Variants in GRM8 observed in about 807,000 individuals in gnomAD.
The protein encoded by GRM8 is metabotropic glutamate receptor 8.
GRM8 carries 47 observed loss-of-function variants against 87.2 expected under a neutral mutation model. The observed-to-expected ratio is 0.54, with a 90% CI of 0.43 to 0.69. The LOEUF is 0.69. GRM8 is among the 30% of genes least tolerant of loss of function. The probability of loss-of-function intolerance (pLI) is 0.00; values close to 1 mark genes in which losing one functional copy is unlikely to be tolerated. For missense variants in GRM8, 1,019 were observed against 1,139.2 expected (o/e 0.89, Z 1.52); for synonymous variants, 396 against 404.5 (o/e 0.98, Z 0.25).
intron 6 of GRM8, among the ~76,000 whole-genome samples, chr7:126,840,041 T>C (rs1796135468): frequency 6.6e-6 from 1 of 152,182 alleles, no homozygotes; most frequent in Non-Finnish European, 1.5e-5. Context: ...ATTTTAGTTG[T>C]TTTTTCACCA....
At chr7:126,950,095 T>C (rs1807971672) in intron 3 of GRM8, among the ~76,000 whole-genome samples, 1 of 152,206 alleles carries the variant, frequency 6.6e-6, no homozygotes, top group Non-Finnish European at 1.5e-5. Context: ...GGTAAGTACT[T>C]GGAAAACACT....
chr7:126,687,376 T>C (rs1435647109), intron 7 of GRM8, among the ~76,000 whole-genome samples: 6 of 152,234 alleles, frequency 3.9e-5, no homozygotes, highest in Non-Finnish European at 8.8e-5. Context: ...GCTAGGCCAC[T>C]TTTGAGTTTG....
At chr7:127,081,664 T>C (rs1231868623) in intron 3 of GRM8, among the ~76,000 whole-genome samples, 1 of 152,046 alleles carries the variant, frequency 6.6e-6, no homozygotes, top group Non-Finnish European at 1.5e-5. Context: ...CAAATGAATA[T>C]GAATGAGAGA....
intron 6 of GRM8, among the ~76,000 whole-genome samples, chr7:126,846,177 G>A (rs947275289): frequency 6.6e-6 from 1 of 152,050 alleles, no homozygotes; most frequent in Non-Finnish European, 1.5e-5. Flanking sequence ...TTCAGAAGTG[G>A]AATATGACAT....
At chr7:126,483,980 A>AG (rs1807056744) in intron 9 of GRM8, among the ~76,000 whole-genome samples, 1 of 152,078 alleles carries the variant, frequency 6.6e-6, no homozygotes, top group Admixed American at 6.6e-5. Flanking sequence ...CTTGAGCATC[A>AG]GTCACTACAA....
chr7:126,798,108 GC>G lies in GRM8; in HGVS notation c.1157-28044del, dbSNP rs370548820. Among the ~76,000 whole-genome samples, 101 of 152,140 alleles carry G rather than the reference GC, an allele frequency of 6.6e-4. 1 individual carries two copies. Among genetic ancestry groups the G allele is most frequent in the African/African-American group, 2.2e-3 (90 of 41,490 alleles). On this transcript the variant is annotated intron_variant, in intron 6 of 10. Coordinates refer to ENST00000339582, the MANE Select transcript of GRM8 (RefSeq NM_000845.3). Reference sequence around the variant, plus strand: ...GAATTCTTTCCCATATTTACACGTTGCCAAGTCCAGTGTCTTCAACTTGTCT... The same window carrying G: ...GAATTCTTTCCCATATTTACACGTTGCAAGTCCAGTGTCTTCAACTTGTCT...
rs536524764 is a variant in GRM8, at chr7:127,037,174, T to C, written c.727+69322A>G. 2.9e-3 allele frequency among the ~76,000 whole-genome samples: 445 copies of C among 152,302 alleles called. 1 individual carries two copies. The highest frequency in any genetic ancestry group is 9.5e-3 in the South Asian group (46 of 4,820). ...AACCAATGTTTGAATCATAGATCCCTTTGCTAAGGGTATAGATCTTCTCAC... is the reference window on the plus strand; with the variant it reads ...AACCAATGTTTGAATCATAGATCCCCTTGCTAAGGGTATAGATCTTCTCAC... On this transcript the variant is annotated intron_variant, in intron 3 of 10. Coordinates refer to ENST00000339582, the MANE Select transcript of GRM8 (RefSeq NM_000845.3).
intron 6 of GRM8, among the ~76,000 whole-genome samples, chr7:126,889,822 C>A (rs1311778549): frequency 6.6e-6 from 1 of 151,994 alleles, no homozygotes; most frequent in Non-Finnish European, 1.5e-5. Flanking sequence ...AAATTTAATT[C>A]TTTAATATCT....
chr7:126,796,395 T>G (rs1231517011), intron 6 of GRM8, among the ~76,000 whole-genome samples: 1 of 152,130 alleles, frequency 6.6e-6, no homozygotes, highest in Non-Finnish European at 1.5e-5. Context: ...TAGATTTTGA[T>G]GATAATTAAT....
intron 3 of GRM8, among the ~76,000 whole-genome samples, chr7:127,050,684 T>C (rs1231694853): frequency 1.3e-5 from 2 of 151,848 alleles, no homozygotes; most frequent in African/African-American, 4.8e-5. Flanking sequence ...CCCAAAAGAG[T>C]TGTGCATCAA....
At chr7:126,871,275 T>C (rs1212343860) in intron 6 of GRM8, among the ~76,000 whole-genome samples, 1 of 152,214 alleles carries the variant, frequency 6.6e-6, no homozygotes, top group Non-Finnish European at 1.5e-5. Context: ...GAAGATATTT[T>C]CTTATTATAC....
At chr7:126,761,697 C>T (rs537313517) in intron 7 of GRM8, among the ~76,000 whole-genome samples, 1 of 152,202 alleles carries the variant, frequency 6.6e-6, no homozygotes, top group African/African-American at 2.4e-5. Flanking sequence ...GCTCATCTTA[C>T]TGTCTCATCA....
chr7:126,935,190 A>T (rs1806182940), intron 3 of GRM8, among the ~76,000 whole-genome samples: 1 of 152,170 alleles, frequency 6.6e-6, no homozygotes, highest in African/African-American at 2.4e-5. Context: ...CTACATTTTT[A>T]AAAACAAAGC....
chr7:126,550,628 T>C (rs958895295), intron 8 of GRM8, among the ~76,000 whole-genome samples: 6 of 152,082 alleles, frequency 3.9e-5, no homozygotes, highest in Non-Finnish European at 1.5e-5. Context: ...AAATAAAAGA[T>C]AATGAGAAAG....
At chr7:126,462,432 G>A (rs1461751193) in intron 9 of GRM8, among the ~76,000 whole-genome samples, 2 of 151,560 alleles carry the variant, frequency 1.3e-5, no homozygotes, top group Non-Finnish European at 3.0e-5. Context: ...CAAAGGTCCT[G>A]TATTTCAGTT....
At chr7:126,578,849 A>T (rs749655473) in intron 8 of GRM8, among the ~76,000 whole-genome samples, 2 of 152,160 alleles carry the variant, frequency 1.3e-5, no homozygotes, top group Non-Finnish European at 2.9e-5. Flanking sequence ...AGAGGAAAAA[A>T]AAAGAACTTA....
At chr7:127,068,093 C>T (rs183644422) in intron 3 of GRM8, among the ~76,000 whole-genome samples, 83 of 152,226 alleles carry the variant, frequency 5.5e-4, no homozygotes, top group South Asian at 2.9e-3. Context: ...CTTGAGTTTT[C>T]CCCCATTCCT....
intron 2 of GRM8, among the ~76,000 whole-genome samples, chr7:127,175,260 A>T (rs187412766): frequency 1.6e-4 from 25 of 152,320 alleles, no homozygotes; most frequent in Admixed American, 9.8e-4. Flanking sequence ...CAGTAGACTG[A>T]ACATGGCTAT....
chr7:126,945,945 T>G (rs1807487464), intron 3 of GRM8, among the ~76,000 whole-genome samples: 1 of 152,012 alleles, frequency 6.6e-6, no homozygotes, highest in Non-Finnish European at 1.5e-5. Context: ...TGCCTAATTC[T>G]GTGTTTTTCA....
Sources: gnomAD v4.1 joint callset for allele counts (sites outside exome capture counted in the v4.1 genomes callset) on GRCh38, gnomAD v4.1.1 for gene constraint, MANE v1.5 for transcripts, NCBI Gene and HGNC (gene_info 2026-07-23, HGNC 2026-07-21) for gene names.